The following ZNF354C variants were observed in gnomAD, a reference collection of about 807,000 sequenced individuals.
ZNF354C encodes KRAB-zinc finger protein synten.
ZNF354C carries 7 observed loss-of-function variants against 12.4 expected under a neutral mutation model. The ratio of observed to expected loss-of-function variants is 0.56; its 90% CI spans 0.32 to 1.06. The LOEUF is 1.06. ZNF354C is among the 50% of genes least tolerant of loss of function. The pLI is 0.04. For synonymous variants in ZNF354C, 202 were observed against 224.5 expected, an observed-to-expected ratio of 0.90 and a Z score of 0.90; for missense variants, 609 against 658.0, an observed-to-expected ratio of 0.93 and a Z score of 0.81.
chr5:179,072,678 A>G (rs541280376), intron 2 of ZNF354C, among the ~76,000 whole-genome samples: 2 of 152,348 alleles, frequency 1.3e-5, no homozygotes, highest in Admixed American at 6.5e-5. Flanking sequence ...TGCAAGCCAC[A>G]TACCTAATAT....
At chr5:179,069,027 T>G (rs13160086) in intron 2 of ZNF354C, among the ~76,000 whole-genome samples, 2 of 152,088 alleles carry the variant, frequency 1.3e-5, no homozygotes, top group Non-Finnish European at 2.9e-5. Flanking sequence ...AATTACCTCT[T>G]TAAAGATCTT....
intron 3 of ZNF354C, 64 bp from the exon 4 acceptor site, chr5:179,077,007 A>T: frequency 1.4e-6 from 2 of 1,383,838 alleles, no homozygotes; most frequent in Non-Finnish European, 2.0e-6. Flanking sequence ...AGTGAGTAGT[A>T]GGTCAGTTCT....
rs1581123645 is a variant in ZNF354C, at chr5:179,083,215, T to G, written c.*3118T>G. On this transcript the variant is annotated 3_prime_UTR_variant, in exon 5 of 5. Coordinates refer to ENST00000315475, the MANE Select transcript of ZNF354C (RefSeq NM_014594.3). ...TTAGCTTCTGATTCATAAAAAAACC[T>G]ATAAGAGACATTTGGGGGGATATTT... 2 of 294,074 alleles carry G rather than the reference T, an allele frequency of 6.8e-6. No individual in the cohort carries two copies. Among genetic ancestry groups the G allele is most frequent in the East Asian group, 1.4e-4 (2 of 14,098 alleles). The allele number at this position is 294,074 out of a possible 1,614,324, so 18.2% of individuals were successfully genotyped here.
rs1761878589 is a variant in ZNF354C, at chr5:179,060,824, G to C, written c.-55+158G>C. Among the ~76,000 whole-genome samples, 1 of 152,200 alleles carries C rather than the reference G, an allele frequency of 6.6e-6. No homozygotes were observed. Among genetic ancestry groups the C allele is most frequent in the African/African-American group, 2.4e-5 (1 of 41,452 alleles). On this transcript the variant is annotated intron_variant, in intron 1 of 4. Coordinates refer to ENST00000315475, the MANE Select transcript of ZNF354C (RefSeq NM_014594.3). The surrounding 1 kb of genome is among the most constrained non-coding windows in gnomAD (Gnocchi z 4.2). ...CGCTCGGGTGCCAGGCACCAGACTA[G>C]CGCATCGCCCGAACGAACTCCGCGC... is the stretch of plus-strand genomic sequence containing the variant.
rs1008119806 is a variant in ZNF354C at position 179,080,852 on chromosome 5, C to T, written c.*755C>T. The T allele has an allele frequency of 2.0e-5, 3 of 152,118 alleles. No individual in the cohort carries two copies. Among genetic ancestry groups the T allele is most frequent in the Non-Finnish European group, 2.9e-5 (2 of 68,026 alleles). 9.4% of individuals were successfully genotyped at this position (152,118 alleles called of 1,614,324 possible). A position where few individuals can be genotyped will look rare whatever the true frequency, so the allele number is the denominator to read the frequency against. On this transcript the variant is annotated 3_prime_UTR_variant, in exon 5 of 5. Transcript: ENST00000315475. ...GTAGAAGGCGGATTAACTGAAGCAG[C>T]TGGAAAGACTGTCAAGCACATACTT... is the stretch of plus-strand genomic sequence containing the variant.
chr5:179,064,977 A>ATTGATTGCT (rs765543794), intron 2 of ZNF354C, among the ~76,000 whole-genome samples: 40 of 152,198 alleles, frequency 2.6e-4, no homozygotes, highest in Non-Finnish European at 5.1e-4. Flanking sequence ...GGAATTTGGT[A>ATTGATTGCT]TTGATTGCTT....
chr5:179,075,806 A>G (rs1762111519), intron 2 of ZNF354C, among the ~76,000 whole-genome samples: 1 of 152,254 alleles, frequency 6.6e-6, no homozygotes, highest in African/African-American at 2.4e-5. Flanking sequence ...CATGGAATAA[A>G]TGTACTGAAA....
chr5:179,066,164 A>G (rs779711364), intron 2 of ZNF354C, among the ~76,000 whole-genome samples: 1 of 152,212 alleles, frequency 6.6e-6, no homozygotes, highest in Non-Finnish European at 1.5e-5. Context: ...GTACATATCA[A>G]TTATGCTTTA....
At position 179,077,156 on chromosome 5, in the gene ZNF354C, T is replaced by C. The variant is rs1254486994; in HGVS notation, c.240T>C (p.Asp80=). ...TGGTGGAAAGAGAAGTCCCTTCAGA[T>C]ACCCGTCTAGGTAAGTGAGAGGCTG... The part of the protein sequence containing the change: ...PCMVEREVPS[D]TRLGFKTWLE... The change falls in exon 4 of 5, where the codon GAT becomes GAC. Residue 80 remains aspartate, a synonymous_variant. Coordinates refer to ENST00000315475, the MANE Select transcript of ZNF354C (RefSeq NM_014594.3). 1 of 1,614,056 alleles carries C rather than the reference T, an allele frequency of 6.2e-7. No homozygotes were observed. Among genetic ancestry groups the C allele is most frequent in the South Asian group, 1.1e-5 (1 of 91,076 alleles).
intron 3 of ZNF354C, 84 bp from the exon 4 acceptor site, chr5:179,076,987 G>T (rs6863664): frequency 8.3e-7 from 1 of 1,207,774 alleles, no homozygotes; most frequent in African/African-American, 1.5e-5. Flanking sequence ...TCTTTGCTGT[G>T]TTGGTTCAGA....
At chr5:179,076,355 A>AT (rs1762121607) in intron 2 of ZNF354C, 90 bp from the exon 3 acceptor site, 3 of 1,572,134 alleles carry the variant, frequency 1.9e-6, no homozygotes, top group Admixed American at 3.6e-5. Flanking sequence ...GAATCCTGAG[A>AT]TTTTCTGTAC....
rs77051532 is a variant in ZNF354C at position 179,075,792 on chromosome 5, G to A, written c.28-653G>A. 3.3e-3 allele frequency among the ~76,000 whole-genome samples: 507 copies of A among 152,276 alleles called. 4 individuals carry two copies. The highest frequency in any genetic ancestry group is 0.011 in the African/African-American group (438 of 41,560). The stretch of plus-strand genomic sequence containing the variant: ...TCATTCTATTTAGCGGCTGCATGAC[G>A]TTTCATGGAATAAATGTACTGAAAT... On this transcript the variant is annotated intron_variant, in intron 2 of 4. Transcript: ENST00000315475.
intron 1 of ZNF354C, among the ~76,000 whole-genome samples, chr5:179,061,719 C>T (rs147412680): frequency 5.9e-5 from 9 of 151,976 alleles, no homozygotes; most frequent in Admixed American, 5.9e-4. Context: ...ATATTCATTG[C>T]GACTTTTAGG....
At chr5:179,067,149 C>T (rs750158804) in intron 2 of ZNF354C, among the ~76,000 whole-genome samples, 2 of 152,144 alleles carry the variant, frequency 1.3e-5, no homozygotes, top group African/African-American at 2.4e-5. Context: ...CACACAAAGT[C>T]GGGTGTCTCA....
chr5:179,079,743 A>C lies in ZNF354C; in HGVS notation c.1311A>C (p.Glu437Asp). Reference protein sequence around the residue: ...FNEHRKIHTGEKLYTCEECGK... With the variant: ...FNEHRKIHTGDKLYTCEECGK... ...AACATCGGAAAATTCATACTGGGGAAAAACTTTATACATGTGAGGAATGTG... is the reference window on the plus strand; with the variant it reads ...AACATCGGAAAATTCATACTGGGGACAAACTTTATACATGTGAGGAATGTG... Residue 437 changes from glutamate (E) to aspartate (D), a missense_variant, in exon 5 of 5, where the codon GAA becomes GAC. Glu to Asp is a conservative substitution (Grantham distance 45). Transcript: ENST00000315475. The surrounding 1 kb of genome is among the most constrained non-coding windows in gnomAD (Gnocchi z 4.2). 6 of 1,614,132 alleles carry C rather than the reference A, an allele frequency of 3.7e-6. No individual in the cohort carries two copies. Among genetic ancestry groups the C allele is most frequent in the Non-Finnish European group, 5.1e-6 (6 of 1,180,030 alleles).
At chr5:179,072,954 G>C (rs184353433) in intron 2 of ZNF354C, among the ~76,000 whole-genome samples, 66 of 152,206 alleles carry the variant, frequency 4.3e-4, no homozygotes, top group African/African-American at 1.5e-3. Context: ...CATGTACTTA[G>C]TAGCCACATA....
At chr5:179,065,822 G>A (rs571894935) in intron 2 of ZNF354C, among the ~76,000 whole-genome samples, 15 of 152,272 alleles carry the variant, frequency 9.9e-5, no homozygotes, top group African/African-American at 3.1e-4. Flanking sequence ...GAGATGAAGC[G>A]TCAGTCTGAT....
chr5:179,070,841 CTTT>C (rs766817856), intron 2 of ZNF354C, among the ~76,000 whole-genome samples: 8 of 75,458 alleles, frequency 1.1e-4, no homozygotes, highest in African/African-American at 4.0e-4. Context: ...CTTGATCGCT[CTTT>C]TTTTTTTTTT....
intron 2 of ZNF354C, 116 bp downstream of exon 2, chr5:179,062,211 C>T: frequency 7.4e-6 from 10 of 1,354,460 alleles, no homozygotes; most frequent in Non-Finnish European, 1.1e-5. Flanking sequence ...GATGAAGAAT[C>T]CGGAACCTCA....
Sources: allele counts gnomAD v4.1 joint callset (sites outside exome capture counted in the v4.1 genomes callset), GRCh38; gene constraint gnomAD v4.1.1; non-coding constraint Gnocchi (gnomAD v3.1); transcripts MANE v1.5; gene names NCBI Gene and HGNC (gene_info 2026-07-23, HGNC 2026-07-21).